CPED1: variants seen among roughly 807,000 people sequenced by gnomAD.
CPED1 encodes the protein cadherin-like and PC-esterase domain-containing protein 1.
CPED1 carries 114 observed loss-of-function variants against 128.2 expected under a neutral mutation model. The observed-to-expected ratio is 0.89, with a 90% CI of 0.76 to 1.04. CPED1 has a LOEUF of 1.04. CPED1 is among the 50% of genes least tolerant of loss of function. CPED1 has a pLI of 0.00. For synonymous variants in CPED1, 462 were observed against 426.7 expected (o/e 1.08, Z -1.02); for missense variants, 1,211 against 1,207.1 (o/e 1.00, Z -0.05).
chr7:121,274,295 C>A lies in CPED1; in HGVS notation c.2868+2865C>A, dbSNP rs537503851. On this transcript the variant is annotated intron_variant, in intron 22 of 22. Transcript: ENST00000310396. ...TGAACCATCAGCACTAGAATATTGG[C>A]TTATAATTATTACTGATTAAAATTA... is the stretch of plus-strand genomic sequence containing the variant. 2.2e-4 allele frequency among the ~76,000 whole-genome samples: 33 copies of A among 152,226 alleles called. No homozygotes were observed. The South Asian group carries it at 6.6e-3, about 31-fold the overall frequency.
chr7:121,078,465 A>G (rs941758407), intron 5 of CPED1, among the ~76,000 whole-genome samples: 1 of 132,924 alleles, frequency 7.5e-6, no homozygotes, highest in African/African-American at 2.8e-5. Flanking sequence ...CCTGGGTAAC[A>G]TGAGATCCTG....
At chr7:120,994,482 G>A (rs1034380406) in intron 2 of CPED1, among the ~76,000 whole-genome samples, 7 of 152,156 alleles carry the variant, frequency 4.6e-5, no homozygotes, top group Non-Finnish European at 1.5e-5. Context: ...ACAATTACAA[G>A]ACTACTTTTT....
At chr7:121,294,826 T>C (rs1338267733) in intron 22 of CPED1, among the ~76,000 whole-genome samples, 1 of 143,600 alleles carries the variant, frequency 7.0e-6, no homozygotes, top group African/African-American at 2.7e-5. Context: ...AAAAAAAGTC[T>C]AAAACTAAAT....
chr7:121,172,530 C>T (rs1796670388), intron 16 of CPED1, among the ~76,000 whole-genome samples: 1 of 151,810 alleles, frequency 6.6e-6, no homozygotes. Flanking sequence ...TGTTTAAAAA[C>T]TTTATATGTT....
At chr7:121,075,439 C>A (rs1794100286) in intron 5 of CPED1, among the ~76,000 whole-genome samples, 1 of 152,050 alleles carries the variant, frequency 6.6e-6, no homozygotes, top group Admixed American at 6.6e-5. Context: ...CAGTGCCATG[C>A]ATGGTCTCAA....
chr7:121,250,101 C>T (rs1562850269), intron 18 of CPED1, among the ~76,000 whole-genome samples: 1 of 152,152 alleles, frequency 6.6e-6, no homozygotes, highest in South Asian at 2.1e-4. Flanking sequence ...TGTAAAAGAA[C>T]ATAAATTATA....
chr7:121,100,732 A>G (rs567367184), intron 7 of CPED1, among the ~76,000 whole-genome samples: 1 of 152,286 alleles, frequency 6.6e-6, no homozygotes, highest in African/African-American at 2.4e-5. Context: ...ACAGTATTTT[A>G]TTGTTCTGCA....
intron 22 of CPED1, among the ~76,000 whole-genome samples, chr7:121,287,301 ACT>A (rs1234316023): frequency 6.6e-6 from 1 of 151,868 alleles, no homozygotes. Context: ...ACACTCACAC[ACT>A]CATACACGAG....
At chr7:121,172,379 CTT>C (rs1156407112) in intron 16 of CPED1, among the ~76,000 whole-genome samples, 7 of 147,244 alleles carry the variant, frequency 4.8e-5, no homozygotes, top group South Asian at 2.1e-4. Context: ...CTGAAATACT[CTT>C]GTTTTTTTTT....
At chr7:121,087,347 A>G (rs762081339) in intron 5 of CPED1, among the ~76,000 whole-genome samples, 14 of 151,808 alleles carry the variant, frequency 9.2e-5, no homozygotes, top group African/African-American at 1.2e-4. Context: ...CTCTTTGTCC[A>G]CTCTTCTCTC....
chr7:121,057,986 C>G (rs1422552088), intron 4 of CPED1, among the ~76,000 whole-genome samples: 3 of 152,018 alleles, frequency 2.0e-5, no homozygotes, highest in African/African-American at 7.2e-5. Context: ...ACAGGGCACT[C>G]CCCATGCCAG....
At chr7:121,261,618 T>C in intron 18 of CPED1, 1 of 1,608,226 alleles carries the variant, frequency 6.2e-7, no homozygotes, top group South Asian at 1.1e-5. Context: ...CAGCTTCTTT[T>C]TTCCTTCCTT....
intron 3 of CPED1, among the ~76,000 whole-genome samples, chr7:121,039,183 A>G (rs1282063143): frequency 6.6e-6 from 1 of 152,010 alleles, no homozygotes; most frequent in Non-Finnish European, 1.5e-5. Context: ...TTATTTATTC[A>G]GTCAGTTATT....
intron 18 of CPED1, among the ~76,000 whole-genome samples, chr7:121,259,519 G>GA (rs917611028): frequency 3.3e-5 from 5 of 151,764 alleles, no homozygotes; most frequent in African/African-American, 4.8e-5. Flanking sequence ...AAAATCAATT[G>GA]AAAAAAAGCA....
rs557151356 is a variant in CPED1 at position 121,033,527 on chromosome 7, G to A, written c.434-13360G>A. Among the ~76,000 whole-genome samples, 11 of 152,254 alleles carry A rather than the reference G, an allele frequency of 7.2e-5. No individual in the cohort carries two copies. In the East Asian group the frequency reaches 2.1e-3, roughly 29 times the overall value. ...TTAAAAATATTAACTCACCATCCCT[G>A]TAACATCCCCAAAATGTGAGTGTTA... On this transcript the variant is annotated intron_variant, in intron 3 of 22. Transcript: ENST00000310396.
chr7:121,158,177 A>C (rs938359388), intron 16 of CPED1, among the ~76,000 whole-genome samples: 11 of 152,224 alleles, frequency 7.2e-5, no homozygotes, highest in Non-Finnish European at 1.5e-5. Flanking sequence ...TATAAGAGAT[A>C]ATTGTTATAT....
chr7:121,050,424 A>C (rs1356843122), intron 4 of CPED1: 1 of 150,200 alleles, frequency 6.7e-6, no homozygotes, highest in East Asian at 2.0e-4. Flanking sequence ...ATGAGGTCAC[A>C]TTGGCATTAG....
intron 5 of CPED1, among the ~76,000 whole-genome samples, chr7:121,073,596 G>A (rs1041453010): frequency 6.6e-6 from 1 of 152,170 alleles, no homozygotes; most frequent in African/African-American, 2.4e-5. Context: ...ATTGTGTAAT[G>A]CGAACCCTTC....
intron 16 of CPED1, among the ~76,000 whole-genome samples, chr7:121,198,134 C>T (rs945443840): frequency 9.9e-5 from 15 of 152,002 alleles, no homozygotes; most frequent in Admixed American, 4.6e-4. Context: ...GCAGTTATTA[C>T]GCGAAAGACA....
Sources: allele counts gnomAD v4.1 joint callset (sites outside exome capture counted in the v4.1 genomes callset), GRCh38; gene constraint gnomAD v4.1.1; transcripts MANE v1.5; gene names NCBI Gene and HGNC (gene_info 2026-07-23, HGNC 2026-07-21).